Variants in TRHDE observed in about 807,000 individuals in gnomAD.
The protein encoded by TRHDE is thyrotropin-releasing hormone-degrading ectoenzyme.
TRHDE carries 72 observed loss-of-function variants against 125.7 expected under a neutral mutation model. The ratio of observed to expected loss-of-function variants is 0.57; its 90% CI spans 0.47 to 0.70. The LOEUF (loss-of-function observed/expected upper bound fraction) is 0.70, where lower values mean the gene tolerates loss of function less well. Ranked by LOEUF, TRHDE falls within the 30% of genes least tolerant of loss-of-function variation. The probability of loss-of-function intolerance (pLI) is 0.00; values close to 1 mark genes in which losing one functional copy is unlikely to be tolerated. For synonymous variants in TRHDE, 509 were observed against 509.1 expected (o/e 1.00, Z 0.00); for missense variants, 1,110 against 1,327.1 (o/e 0.84, Z 2.54).
intron 2 of TRHDE, among the ~76,000 whole-genome samples, chr12:72,370,056 A>T (rs1259883258): frequency 3.4e-4 from 51 of 152,114 alleles, no homozygotes. Flanking sequence ...ACCATACAGG[A>T]ATTACTCGGT....
chr12:72,422,118 CATATT>C (rs1873980203), intron 3 of TRHDE, among the ~76,000 whole-genome samples: 2 of 152,052 alleles, frequency 1.3e-5, no homozygotes, highest in African/African-American at 4.8e-5. Context: ...ATTCATTTCT[CATATT>C]ATATTATTAA....
chr12:72,662,281 C>T (rs1258666082), intron 18 of TRHDE, among the ~76,000 whole-genome samples: 1 of 152,088 alleles, frequency 6.6e-6, no homozygotes, highest in Non-Finnish European at 1.5e-5. Context: ...ATATATCAAA[C>T]AGAAAGGAAA....
chr12:72,397,636 A>G (rs1278885552), intron 3 of TRHDE, among the ~76,000 whole-genome samples: 1 of 152,082 alleles, frequency 6.6e-6, no homozygotes, highest in Non-Finnish European at 1.5e-5. Flanking sequence ...TATTTCCCTC[A>G]GAAACTTTAC....
At chr12:72,335,179 T>C (rs1486126116) in intron 2 of TRHDE, among the ~76,000 whole-genome samples, 1 of 152,136 alleles carries the variant, frequency 6.6e-6, no homozygotes, top group Admixed American at 6.5e-5. Context: ...CAACATAAAA[T>C]TATAAAAATT....
At chr12:72,345,929 A>C (rs566757705) in intron 2 of TRHDE, among the ~76,000 whole-genome samples, 29 of 152,244 alleles carry the variant, frequency 1.9e-4, no homozygotes, top group Admixed American at 1.7e-3. Context: ...GGTTGGGTGA[A>C]TCTGAAAGTA....
At chr12:72,310,556 T>C (rs1018410176) in intron 2 of TRHDE, among the ~76,000 whole-genome samples, 2 of 152,214 alleles carry the variant, frequency 1.3e-5, no homozygotes, top group African/African-American at 2.4e-5. Flanking sequence ...GAAAATGCTA[T>C]GAAATATGAA....
At chr12:72,539,890 T>C (rs1243584477) in intron 6 of TRHDE, among the ~76,000 whole-genome samples, 1 of 151,854 alleles carries the variant, frequency 6.6e-6, no homozygotes, top group Non-Finnish European at 1.5e-5. Flanking sequence ...TTCCTAAATG[T>C]CCAGTTTGTT....
chr12:72,262,814 G>C (rs1391620012), intron 2 of TRHDE: 3 of 152,106 alleles, frequency 2.0e-5, no homozygotes, highest in African/African-American at 4.8e-5. Context: ...AGTTTACCTA[G>C]TTGGATGTTA....
chr12:72,125,325 TA>T (rs1875688225), intron 2 of TRHDE, among the ~76,000 whole-genome samples: 1 of 152,180 alleles, frequency 6.6e-6, no homozygotes, highest in South Asian at 2.1e-4. Flanking sequence ...TTGAATTTTT[TA>T]TTTCACTTAT....
chr12:72,350,029 G>A (rs1049867311), intron 2 of TRHDE, among the ~76,000 whole-genome samples: 5 of 151,836 alleles, frequency 3.3e-5, no homozygotes, highest in African/African-American at 9.7e-5. Flanking sequence ...ACCATTTTAT[G>A]TGCCATTTTC....
chr12:72,640,035 G>T (rs2136098274), intron 15 of TRHDE, among the ~76,000 whole-genome samples: 1 of 152,310 alleles, frequency 6.6e-6, no homozygotes, highest in South Asian at 2.1e-4. Flanking sequence ...GCTCCACCCA[G>T]TTCCAGCTTC....
intron 12 of TRHDE, among the ~76,000 whole-genome samples, chr12:72,583,440 C>G (rs926860907): frequency 2.0e-5 from 3 of 152,090 alleles, no homozygotes; most frequent in African/African-American, 7.2e-5. Context: ...ATCTATTTGT[C>G]ATCATCAGTG....
intron 2 of TRHDE, among the ~76,000 whole-genome samples, chr12:72,247,326 G>A (rs896206985): frequency 7.9e-5 from 12 of 152,122 alleles, no homozygotes; most frequent in African/African-American, 2.7e-4. Context: ...CATGGATGTG[G>A]AACTCATGGA....
Position 72,166,907 on chromosome 12 carries a change from CGTGTGTGTGTGTGT to C in TRHDE, n.279+61188_279+61201del, listed in dbSNP as rs59590935. Among the ~76,000 whole-genome samples the C allele has an allele frequency of 1.8e-3, 249 of 139,330 alleles. 1 individual carries two copies. Among genetic ancestry groups the C allele is most frequent in the African/African-American group, 3.5e-3 (129 of 36,996 alleles). 91.4% of individuals were successfully genotyped at this position (139,330 alleles called of 152,430 possible). Reference sequence around the variant, plus strand: ...AATGGAAGAATAAAAGGTAGATGAACGTGTGTGTGTGTGTGTGTGTGTGTGTGTGTGTGTGTGTG... The same window carrying C: ...AATGGAAGAATAAAAGGTAGATGAACGTGTGTGTGTGTGTGTGTGTGTGTG... On this transcript the variant is annotated intron_variant and non_coding_transcript_variant, in intron 2 of 4. Transcript: ENST00000548156.
At chr12:72,520,056 G>C (rs937935891) in intron 6 of TRHDE, among the ~76,000 whole-genome samples, 1 of 152,216 alleles carries the variant, frequency 6.6e-6, no homozygotes, top group African/African-American at 2.4e-5. Context: ...CTGTCAGACA[G>C]GGACACTTAA....
intron 2 of TRHDE, among the ~76,000 whole-genome samples, chr12:72,368,293 A>G (rs1871424577): frequency 6.6e-6 from 1 of 152,192 alleles, no homozygotes; most frequent in Admixed American, 6.5e-5. Context: ...TATTAGAAGA[A>G]AGTCTCTAAA....
At chr12:72,098,318 C>T (rs1246061592) in intron 1 of TRHDE, among the ~76,000 whole-genome samples, 1 of 152,068 alleles carries the variant, frequency 6.6e-6, no homozygotes, top group Non-Finnish European at 1.5e-5. Context: ...TACCCTGTTT[C>T]CCCCAGTGGT....
At chr12:72,429,459 T>C (rs1164998734) in intron 3 of TRHDE, among the ~76,000 whole-genome samples, 1 of 152,020 alleles carries the variant, frequency 6.6e-6, no homozygotes, top group East Asian at 1.9e-4. Context: ...TTCTACTTTC[T>C]GGCTATTATG....
At chr12:72,292,826 C>T (rs1319064718) in intron 2 of TRHDE, among the ~76,000 whole-genome samples, 1 of 152,124 alleles carries the variant, frequency 6.6e-6, no homozygotes, top group Non-Finnish European at 1.5e-5. Flanking sequence ...TGGTTCAAAT[C>T]AATATTGCTG....
Sources: gnomAD v4.1 joint callset for allele counts (sites outside exome capture counted in the v4.1 genomes callset) on GRCh38, gnomAD v4.1.1 for gene constraint, MANE v1.5 for transcripts, NCBI Gene and HGNC (gene_info 2026-07-23, HGNC 2026-07-21) for gene names.